Variants in HPS5 observed in about 807,000 individuals in gnomAD.
HPS5 encodes the protein BLOC-2 complex member HPS5.
HPS5 carries 83 observed loss-of-function variants against 128.0 expected under a neutral mutation model. The observed-to-expected ratio is 0.65, with a 90% confidence interval of 0.54 to 0.78. The LOEUF is 0.78. Ranked by LOEUF, HPS5 falls within the 30% of genes least tolerant of loss-of-function variation. The pLI, the probability that HPS5 is intolerant of heterozygous loss-of-function variation, is 0.00. For synonymous variants in HPS5, 475 were observed against 470.2 expected (o/e 1.01, Z -0.13); for missense variants, 1,281 against 1,326.2 (o/e 0.97, Z 0.53).
At chr11:18,317,474 T>C (rs968731099) in intron 2 of HPS5, among the ~76,000 whole-genome samples, 1 of 152,130 alleles carries the variant, frequency 6.6e-6, no homozygotes, top group Non-Finnish European at 1.5e-5. Context: ...CAGGCTGGTC[T>C]TGAACTCCTT....
In HPS5 at chr11:18,308,956, C is replaced by A; in HGVS notation, c.601G>T (p.Asp201Tyr). ...GGTTGGTCAATATACCTCTCAGTGT[C>A]ACACAAGAAGGATCGAGTAAGTGAA... ...ISSLTRSFLCDTEREKFWKIG... is the reference protein window; with the variant it reads ...ISSLTRSFLCYTEREKFWKIG... The change falls in exon 6 of 23, where the codon GAC (aspartate) becomes TAC (tyrosine). Residue 201 changes from aspartate (D) to tyrosine (Y), a missense_variant. Asp to Tyr is a radical substitution (Grantham distance 160). Transcript: ENST00000349215. 1 of 1,614,072 alleles carries A rather than the reference C, an allele frequency of 6.2e-7. No homozygotes were observed. Among genetic ancestry groups the A allele is most frequent in the Non-Finnish European group, 8.5e-7 (1 of 1,179,972 alleles).
Position 18,300,852 on chromosome 11 carries a change from C to G in HPS5, c.961G>C (p.Val321Leu). ...IYIFIPQNVQ[V>L]LLWSEVKDIQ... The stretch of plus-strand genomic sequence containing the variant: ...CCTTTGACTTCACTCCAAAGAAGAA[C>G]TTGAACATTCTGAGGAATGAAAATA... Residue 321 changes from valine to leucine, a missense_variant, in exon 9 of 23, where the codon GTT becomes CTT. By Grantham distance (32) the Val-to-Leu change is conservative. Transcript: ENST00000349215. 1 of 1,586,702 alleles carries G rather than the reference C, an allele frequency of 6.3e-7. No individual in the cohort carries two copies. Among genetic ancestry groups the G allele is most frequent in the Non-Finnish European group, 8.7e-7 (1 of 1,155,316 alleles).
chr11:18,311,895 G>A lies in HPS5; in HGVS notation c.219+19C>T. The A allele has an allele frequency of 6.8e-7, 1 of 1,459,918 alleles. No individual in the cohort carries two copies. Among genetic ancestry groups the A allele is most frequent in the Non-Finnish European group, 9.6e-7 (1 of 1,039,076 alleles). 90.4% of individuals were successfully genotyped at this position (1,459,918 alleles called of 1,614,324 possible). ...AAGAGACTCCAAATGGTGTATGACA[G>A]AGCTGCCCTTAATCTTACCCTGTGT... On this transcript the variant is annotated intron_variant, in intron 3 of 22. Coordinates refer to ENST00000349215, the MANE Select transcript of HPS5 (RefSeq NM_181507.2).
Position 18,295,185 on chromosome 11 carries a change from C to T in HPS5, c.1635-16G>A. The T allele has an allele frequency of 6.2e-7, 1 of 1,611,654 alleles. No individual in the cohort carries two copies. Among genetic ancestry groups the T allele is most frequent in the Non-Finnish European group, 8.5e-7 (1 of 1,178,658 alleles). ...GCTAGAAACACTAGAAGTCAAATAA[C>T]AAAAAACTAACATGAATAAAAACTT... On this transcript the variant is annotated splice_polypyrimidine_tract_variant and intron_variant, in intron 13 of 22. Transcript: ENST00000349215.
intron 18 of HPS5, among the ~76,000 whole-genome samples, chr11:18,287,329 C>A (rs1305257831): frequency 6.6e-6 from 1 of 152,148 alleles, no homozygotes; most frequent in African/African-American, 2.4e-5. Flanking sequence ...CCCTGAGAGG[C>A]AGTGAAGAAG....
intron 6 of HPS5, 25 bp downstream of exon 6, chr11:18,308,921 G>A (rs777353647): frequency 6.2e-7 from 1 of 1,612,594 alleles, no homozygotes; most frequent in South Asian, 1.1e-5. Flanking sequence ...CTGCATTTCT[G>A]ATGACTAATG....
At position 18,313,871 on chromosome 11, in the gene HPS5, G is replaced by A. The variant is rs1032390966; in HGVS notation, c.109-1847C>T. On this transcript the variant is annotated intron_variant, in intron 2 of 22. Transcript: ENST00000349215. The stretch of plus-strand genomic sequence containing the variant: ...GGAGGTTGCAGTGAGCCAAGATTGC[G>A]CCACTGAACTCCAGCCTGGTGACAG... Among the ~76,000 whole-genome samples, 10 of 140,818 alleles carry A rather than the reference G, an allele frequency of 7.1e-5. No homozygotes were observed. The Admixed American group carries it at 7.6e-4, about 11-fold the overall frequency. The allele number at this position is 140,818 out of a possible 152,430, so 92.4% of individuals were successfully genotyped here.
intron 22 of HPS5, among the ~76,000 whole-genome samples, chr11:18,281,294 A>T (rs1341937930): frequency 6.8e-6 from 1 of 148,056 alleles, no homozygotes; most frequent in Admixed American, 6.8e-5. Flanking sequence ...GGGTTTCACC[A>T]TATTGGTTAG....
In HPS5 at chr11:18,309,467, G is replaced by A. The variant is rs11824157; in HGVS notation, c.478-388C>T. ...TGAGGCTGCAGTGAGCTAAGATCAT[G>A]CTACTATATGCCAGCCTGGGCAACA... is the stretch of plus-strand genomic sequence containing the variant. On this transcript the variant is annotated intron_variant, in intron 5 of 22. Transcript: ENST00000349215. Among the ~76,000 whole-genome samples, 1,310 of 152,304 alleles carry A rather than the reference G, an allele frequency of 8.6e-3. 23 individuals carry two copies. Among genetic ancestry groups the A allele is most frequent in the African/African-American group, 0.029 (1,192 of 41,558 alleles).
Position 18,292,892 on chromosome 11 carries a change from T to C in HPS5, c.1862+7A>G, listed in dbSNP as rs770551016. 1 of 1,607,870 alleles carries C rather than the reference T, an allele frequency of 6.2e-7. No individual in the cohort carries two copies. The highest frequency in any genetic ancestry group is 8.5e-7 in the Non-Finnish European group (1 of 1,174,246). On this transcript the variant is annotated splice_region_variant and intron_variant, in intron 15 of 22. Transcript: ENST00000349215. ...ACGTCACTATAAAAGTTTCTCATTATACTCACATTGCTTCTGCTGTTGCTA... is the reference window on the plus strand; with the variant it reads ...ACGTCACTATAAAAGTTTCTCATTACACTCACATTGCTTCTGCTGTTGCTA...
intron 1 of HPS5, among the ~76,000 whole-genome samples, chr11:18,318,609 T>A (rs1446145914): frequency 6.6e-6 from 1 of 152,224 alleles, no homozygotes; most frequent in Non-Finnish European, 1.5e-5. Context: ...TGTGTTCACC[T>A]ACTCTCAAAT....
chr11:18,309,123 C>G, intron 5 of HPS5, 44 bp from the exon 6 acceptor site: 1 of 1,556,406 alleles, frequency 6.4e-7, no homozygotes, highest in African/African-American at 1.4e-5. Flanking sequence ...TTAATCATAA[C>G]ATACACATGC....
rs764567111 is a variant in HPS5, at chr11:18,287,566, T to G, written c.2686A>C (p.Ser896Arg). ...HPAEFLAYLDSLVKSRPEDQR... is the reference protein window; with the variant it reads ...HPAEFLAYLDRLVKSRPEDQR... ...TCTTCAGGCCTTGATTTCACCAGAC[T>G]GTCTAAATAGGCCAAAAACTCAGCA... is the stretch of plus-strand genomic sequence containing the variant. The change falls in exon 18 of 23, where the codon AGT (serine) becomes CGT (arginine). Residue 896 changes from serine to arginine, a missense_variant. Ser to Arg is a moderately radical substitution (Grantham distance 110, BLOSUM62 -1). Coordinates refer to ENST00000349215, the MANE Select transcript of HPS5 (RefSeq NM_181507.2). 1 of 1,614,184 alleles carries G rather than the reference T, an allele frequency of 6.2e-7. No homozygotes were observed. The highest frequency in any genetic ancestry group is 8.5e-7 in the Non-Finnish European group (1 of 1,180,030).
chr11:18,318,850 G>C (rs1471109544), intron 1 of HPS5, among the ~76,000 whole-genome samples: 1 of 151,942 alleles, frequency 6.6e-6, no homozygotes, highest in African/African-American at 2.4e-5. Context: ...CAACAAATTT[G>C]TACTGAGCAC....
At chr11:18,281,743 G>A (rs535713632) in intron 22 of HPS5, among the ~76,000 whole-genome samples, 3 of 152,142 alleles carry the variant, frequency 2.0e-5, no homozygotes, top group Non-Finnish European at 4.4e-5. Flanking sequence ...GGACACATCA[G>A]ATTATTCAGG....
At chr11:18,293,449 G>A (rs1182228340) in intron 14 of HPS5, among the ~76,000 whole-genome samples, 3 of 152,122 alleles carry the variant, frequency 2.0e-5, no homozygotes, top group South Asian at 4.1e-4. Context: ...GTGAGCCACC[G>A]CACCTGACCC....
chr11:18,285,195 TA>T, intron 20 of HPS5, 150 bp downstream of exon 20: 1 of 553,722 alleles, frequency 1.8e-6, no homozygotes, highest in Non-Finnish European at 3.1e-6. Context: ...AAAAGATGTT[TA>T]ATTTACTATC....
chr11:18,286,587 G>A lies in HPS5; in HGVS notation c.2837+4C>T. On this transcript the variant is annotated splice_donor_region_variant and intron_variant, in intron 19 of 22. Transcript: ENST00000349215. ...AAAACAAAGAAAGAGGACTTCTTCT[G>A]TACCTGGGATAACCTTCATCATCCA... 5 of 1,613,616 alleles carry A rather than the reference G, an allele frequency of 3.1e-6. No homozygotes were observed. Among genetic ancestry groups the A allele is most frequent in the Non-Finnish European group, 4.2e-6 (5 of 1,179,750 alleles).
intron 22 of HPS5, chr11:18,280,784 G>A: frequency 2.1e-6 from 1 of 468,624 alleles, no homozygotes; most frequent in Non-Finnish European, 3.8e-6. Flanking sequence ...AAACAGGCTG[G>A]TCACAAAACG....
Sources: gnomAD v4.1 joint callset for allele counts (sites outside exome capture counted in the v4.1 genomes callset) on GRCh38, gnomAD v4.1.1 for gene constraint, MANE v1.5 for transcripts, NCBI Gene and HGNC (gene_info 2026-07-23, HGNC 2026-07-21) for gene names.